Variants in TMEM117 observed in about 807,000 individuals in gnomAD.
TMEM117 encodes the protein transmembrane protein 117.
TMEM117 carries 27 observed loss-of-function variants against 52.4 expected under a neutral mutation model. That is an observed-to-expected ratio of 0.51 (90% CI 0.38 to 0.71). TMEM117 has a LOEUF of 0.71. Among genes scored for constraint, TMEM117 ranks in the 30% least tolerant of loss-of-function variants. The pLI is 0.00. For missense variants in TMEM117, 556 were observed against 630.5 expected (o/e 0.88, Z 1.26); for synonymous variants, 215 against 206.3 (o/e 1.04, Z -0.36).
At chr12:43,997,332 G>GT (rs1425680432) in intron 3 of TMEM117, among the ~76,000 whole-genome samples, 1 of 152,118 alleles carries the variant, frequency 6.6e-6, no homozygotes, top group African/African-American at 2.4e-5. Context: ...GCTTGTTTTA[G>GT]TTTTGTTTCC....
chr12:43,905,190 C>G (rs552211173), intron 2 of TMEM117, among the ~76,000 whole-genome samples: 2 of 152,230 alleles, frequency 1.3e-5, no homozygotes, highest in South Asian at 4.1e-4. Context: ...CTGTGTATGT[C>G]TCCCCTATCC....
At chr12:44,015,307 T>G (rs1436690998) in intron 3 of TMEM117, among the ~76,000 whole-genome samples, 1 of 152,206 alleles carries the variant, frequency 6.6e-6, no homozygotes, top group Non-Finnish European at 1.5e-5. Context: ...AGGCTTTTAT[T>G]TATCGATTCC....
At chr12:44,283,298 A>G (rs1950600212) in intron 5 of TMEM117, among the ~76,000 whole-genome samples, 1 of 152,152 alleles carries the variant, frequency 6.6e-6, no homozygotes, top group African/African-American at 2.4e-5. Flanking sequence ...AGACCCACCA[A>G]GAGCTTGCAC....
rs557786882 is a variant in TMEM117, at chr12:43,973,488, G to A, written c.410+29146G>A. Among the ~76,000 whole-genome samples, 83 of 152,130 alleles carry A rather than the reference G, an allele frequency of 5.5e-4. No individual in the cohort carries two copies. In the South Asian group the frequency reaches 7.7e-3, roughly 14 times the overall value. ...GCCACACCAAGCAGTTAAGATTTTCGGCTTTTGAACTTTACAAAGAGTAAC... is the reference window on the plus strand; with the variant it reads ...GCCACACCAAGCAGTTAAGATTTTCAGCTTTTGAACTTTACAAAGAGTAAC... On this transcript the variant is annotated intron_variant, in intron 3 of 7. Transcript: ENST00000266534.
At chr12:43,898,398 ATAAT>A (rs993951170) in intron 2 of TMEM117, among the ~76,000 whole-genome samples, 30 of 149,434 alleles carry the variant, frequency 2.0e-4, no homozygotes, top group Non-Finnish European at 2.5e-4. Flanking sequence ...TAATATATTA[ATAAT>A]TAATAATACA....
chr12:44,291,246 C>A (rs1329726875), intron 5 of TMEM117, among the ~76,000 whole-genome samples: 1 of 151,132 alleles, frequency 6.6e-6, no homozygotes, highest in Non-Finnish European at 1.5e-5. Flanking sequence ...CTTTATTATT[C>A]TTTTGTAAAG....
At chr12:44,228,541 T>A (rs1949892369) in intron 5 of TMEM117, among the ~76,000 whole-genome samples, 1 of 152,108 alleles carries the variant, frequency 6.6e-6, no homozygotes, top group South Asian at 2.1e-4. Context: ...AATCCCATAA[T>A]GGCATATGTC....
At chr12:43,815,393 C>T in the TMEM117 span, among the ~76,000 whole-genome samples, 1 of 152,160 alleles carries the variant, frequency 6.6e-6, no homozygotes. Flanking sequence ...TTCTGTTTGC[C>T]TCTCACCAAC....
At chr12:44,324,044 A>C (rs1366018890) in intron 6 of TMEM117, among the ~76,000 whole-genome samples, 1 of 152,062 alleles carries the variant, frequency 6.6e-6, no homozygotes, top group African/African-American at 2.4e-5. Context: ...CATTTCAATA[A>C]TTTTAATGGT....
At chr12:44,368,726 T>C (rs774599236) in intron 6 of TMEM117, among the ~76,000 whole-genome samples, 7 of 152,146 alleles carry the variant, frequency 4.6e-5, no homozygotes, top group Non-Finnish European at 7.4e-5. Flanking sequence ...TATGCAAATA[T>C]AATAAAGCAC....
chr12:44,040,380 T>C (rs1592464564), intron 3 of TMEM117, among the ~76,000 whole-genome samples: 2 of 152,170 alleles, frequency 1.3e-5, no homozygotes, highest in African/African-American at 4.8e-5. Context: ...TTCCACTGTT[T>C]AGTTTCTTTA....
chr12:44,280,814 G>A (rs1244173395), intron 5 of TMEM117, among the ~76,000 whole-genome samples: 20 of 151,936 alleles, frequency 1.3e-4, no homozygotes, highest in Admixed American at 1.3e-3. Flanking sequence ...TTTCGGTTAA[G>A]GGAATTTCTA....
At chr12:43,881,178 A>T (rs1401601283) in intron 2 of TMEM117, among the ~76,000 whole-genome samples, 1 of 152,200 alleles carries the variant, frequency 6.6e-6, no homozygotes, top group Non-Finnish European at 1.5e-5. Context: ...TGCTATCAGG[A>T]ACATAGATAT....
chr12:43,958,126 G>A (rs1945338306), intron 3 of TMEM117, among the ~76,000 whole-genome samples: 1 of 152,126 alleles, frequency 6.6e-6, no homozygotes, highest in Non-Finnish European at 1.5e-5. Flanking sequence ...GATGTGCTTG[G>A]CCCCTTTTAC....
chr12:43,811,506 CCA>C, the TMEM117 span, among the ~76,000 whole-genome samples: 1 of 152,200 alleles, frequency 6.6e-6, no homozygotes, highest in East Asian at 1.9e-4. Context: ...TCTGTTTAAG[CCA>C]CAGTTTATTA....
upstream of TMEM117, chr12:43,836,038 T>G (rs1043903450): frequency 6.6e-6 from 1 of 151,190 alleles, no homozygotes; most frequent in African/African-American, 2.4e-5. Context: ...GCGGCGGGTG[T>G]GGGCCGAGCC....
chr12:44,300,950 A>C (rs1950831919), intron 6 of TMEM117, among the ~76,000 whole-genome samples: 1 of 152,172 alleles, frequency 6.6e-6, no homozygotes, highest in South Asian at 2.1e-4. Context: ...GCACTTATGC[A>C]ATAATGTATC....
At chr12:44,201,383 A>G (rs1949494105) in intron 4 of TMEM117, among the ~76,000 whole-genome samples, 1 of 152,208 alleles carries the variant, frequency 6.6e-6, no homozygotes, top group Non-Finnish European at 1.5e-5. Flanking sequence ...CAGCATATAC[A>G]TAATTGTTGT....
chr12:44,261,986 A>T (rs1950325928), intron 5 of TMEM117, among the ~76,000 whole-genome samples: 1 of 152,212 alleles, frequency 6.6e-6, no homozygotes. Context: ...AATGAAATGG[A>T]ATGTAAACAG....
Sources: gnomAD v4.1 joint callset for allele counts (sites outside exome capture counted in the v4.1 genomes callset) on GRCh38, gnomAD v4.1.1 for gene constraint, MANE v1.5 for transcripts, NCBI Gene and HGNC (gene_info 2026-07-23, HGNC 2026-07-21) for gene names.